Variants in ZC3H12B observed in about 807,000 individuals in gnomAD.
The protein encoded by ZC3H12B is probable ribonuclease ZC3H12B.
A neutral mutation model predicts 43.9 loss-of-function variants in ZC3H12B; 7 were observed. The ratio of observed to expected loss-of-function variants is 0.16; its 90% confidence interval spans 0.09 to 0.30. The LOEUF (loss-of-function observed/expected upper bound fraction) is 0.30, where lower values mean the gene tolerates loss of function less well. Ranked by LOEUF, ZC3H12B falls within the 10% of genes least tolerant of loss-of-function variation. ZC3H12B has a pLI of 1.00. For synonymous variants in ZC3H12B, 222 were observed against 241.7 expected, an observed-to-expected ratio of 0.92 and a Z score of 0.76; for missense variants, 475 against 670.2, an observed-to-expected ratio of 0.71 and a Z score of 3.22.
At chrX:65,377,100 A>G (rs1292376391) in intron 2 of ZC3H12B, among the ~76,000 whole-genome samples, 3 of 109,703 alleles carry the variant, frequency 2.7e-5, no homozygotes, top group Non-Finnish European at 5.7e-5. Context: ...GAAATCCTGG[A>G]ACTGAAAAAT....
intron 3 of ZC3H12B, among the ~76,000 whole-genome samples, chrX:65,404,020 C>T (rs1456424734): frequency 8.9e-6 from 1 of 112,020 alleles, no homozygotes; most frequent in African/African-American, 3.2e-5. Flanking sequence ...AAAATAATAA[C>T]TACAACAACT....
At chrX:65,212,705 T>TTATATATCATATATAAATATATATGATA in the ZC3H12B span, among the ~76,000 whole-genome samples, 3 of 92,305 alleles carry the variant, frequency 3.3e-5, no homozygotes, top group African/African-American at 1.2e-4. Context: ...TATATATGAT[T>TTATATATCATATATAAATATATATGATA]TATATATCAT....
At chrX:65,044,547 G>A in the ZC3H12B span, among the ~76,000 whole-genome samples, 1 of 101,033 alleles carries the variant, frequency 9.9e-6, no homozygotes, top group Non-Finnish European at 1.9e-5. Context: ...TGATTTATAT[G>A]TAAAGAGAAT....
the ZC3H12B span, among the ~76,000 whole-genome samples, chrX:65,278,051 T>A: frequency 9.0e-6 from 1 of 111,394 alleles, no homozygotes; most frequent in African/African-American, 3.3e-5. Context: ...ATAAATAATA[T>A]CCATCACAAT....
At chrX:65,450,683 GTATATGTATACATATGTGTATATA>G (rs2067476618) in intron 3 of ZC3H12B, among the ~76,000 whole-genome samples, 1 of 8,972 alleles carries the variant, frequency 1.1e-4, no homozygotes, top group Non-Finnish European at 1.5e-4. Flanking sequence ...GTGTATATAT[GTATATGTATACATATGTGTATATA>G]TGTATATGTA....
At chrX:65,253,062 C>A in the ZC3H12B span, among the ~76,000 whole-genome samples, 2 of 111,415 alleles carry the variant, frequency 1.8e-5, no homozygotes, top group Non-Finnish European at 3.8e-5. Context: ...CAATTTATCC[C>A]CTCACATAAA....
upstream of ZC3H12B, among the ~76,000 whole-genome samples, chrX:65,363,041 C>A (rs181700571): frequency 9.0e-6 from 1 of 111,522 alleles, no homozygotes; most frequent in Non-Finnish European, 1.9e-5. Flanking sequence ...GACCCTGACA[C>A]CCATCAGTCC....
At chrX:65,191,946 A>G in the ZC3H12B span, among the ~76,000 whole-genome samples, 1 of 105,224 alleles carries the variant, frequency 9.5e-6, no homozygotes, top group South Asian at 4.6e-4. Context: ...TTAGTGCTAT[A>G]AATTTCCCTC....
intron 3 of ZC3H12B, among the ~76,000 whole-genome samples, chrX:65,474,972 T>G (rs1200654771): frequency 1.8e-5 from 2 of 112,500 alleles, no homozygotes; most frequent in Non-Finnish European, 3.7e-5. Flanking sequence ...CTTTATCTTT[T>G]GTGTGTCTAT....
chrX:65,064,056 T>C, the ZC3H12B span, among the ~76,000 whole-genome samples: 1 of 112,185 alleles, frequency 8.9e-6, no homozygotes, highest in Non-Finnish European at 1.9e-5. Flanking sequence ...TTTTCTTCTT[T>C]ATTAGTCTGG....
chrX:65,109,974 G>T, the ZC3H12B span, among the ~76,000 whole-genome samples: 2 of 111,064 alleles, frequency 1.8e-5, no homozygotes, highest in East Asian at 5.7e-4. Flanking sequence ...GTGCTTATTG[G>T]ACTACTTTGT....
the ZC3H12B span, among the ~76,000 whole-genome samples, chrX:65,241,187 C>T: frequency 8.9e-6 from 1 of 112,796 alleles, no homozygotes; most frequent in African/African-American, 3.2e-5. Context: ...TGTCAGCCAC[C>T]CCTCCTCCTG....
chrX:65,342,394 G>A, the ZC3H12B span, among the ~76,000 whole-genome samples: 4 of 111,375 alleles, frequency 3.6e-5, no homozygotes, highest in Admixed American at 1.9e-4. Context: ...CTCTAAAATC[G>A]ACCACGTAAT....
At chrX:65,461,863 T>TA (rs200948598) in intron 3 of ZC3H12B, among the ~76,000 whole-genome samples, 3 of 107,639 alleles carry the variant, frequency 2.8e-5, no homozygotes, top group South Asian at 3.9e-4. Context: ...AATAAAATAA[T>TA]AAAAAAAAAT....
the ZC3H12B span, among the ~76,000 whole-genome samples, chrX:65,213,272 A>G: frequency 9.0e-6 from 1 of 110,578 alleles, no homozygotes; most frequent in South Asian, 3.7e-4. Context: ...TTTATACTCT[A>G]TCTACCACAT....
At chrX:65,318,618 C>T in the ZC3H12B span, among the ~76,000 whole-genome samples, 2 of 110,859 alleles carry the variant, frequency 1.8e-5, no homozygotes, top group African/African-American at 6.6e-5. Flanking sequence ...TGGGGTTTCA[C>T]CATGTTGACC....
the ZC3H12B span, among the ~76,000 whole-genome samples, chrX:65,055,185 C>A: frequency 9.0e-6 from 1 of 111,395 alleles, no homozygotes; most frequent in African/African-American, 3.3e-5. Context: ...GGAATGCTTC[C>A]AATTTTTGCC....
the ZC3H12B span, among the ~76,000 whole-genome samples, chrX:65,267,565 A>G: frequency 1.8e-5 from 2 of 111,726 alleles, no homozygotes; most frequent in Non-Finnish European, 3.8e-5. Context: ...AAAAAATTAA[A>G]TCATCTGTGC....
chrX:65,234,820 G>A, the ZC3H12B span, among the ~76,000 whole-genome samples: 4 of 111,552 alleles, frequency 3.6e-5, no homozygotes, highest in African/African-American at 9.8e-5. Flanking sequence ...GTATCCATTA[G>A]CTATTTTTTT....
Sources: gnomAD v4.1 joint callset for allele counts (sites outside exome capture counted in the v4.1 genomes callset) on GRCh38, gnomAD v4.1.1 for gene constraint, MANE v1.5 for transcripts, NCBI Gene and HGNC (gene_info 2026-07-23, HGNC 2026-07-21) for gene names.